PLD1: variants seen among roughly 807,000 people sequenced by gnomAD.
PLD1 encodes the protein choline phosphatase 1.
PLD1 carries 112 observed loss-of-function variants against 137.1 expected under a neutral mutation model. That is an observed-to-expected ratio of 0.82 (90% CI 0.70 to 0.96). The LOEUF is 0.96. Among genes scored for constraint, PLD1 ranks in the 40% least tolerant of loss-of-function variants. The pLI, the probability that PLD1 is intolerant of heterozygous loss-of-function variation, is 0.00. For synonymous variants in PLD1, 431 were observed against 454.7 expected (o/e 0.95, Z 0.66); for missense variants, 1,321 against 1,342.0 (o/e 0.98, Z 0.24).
chr3:171,710,072 C>T (rs545331084), intron 9 of PLD1, among the ~76,000 whole-genome samples: 13 of 151,642 alleles, frequency 8.6e-5, no homozygotes, highest in African/African-American at 3.1e-4. Context: ...TTTCTTTTTT[C>T]TTTTTTTTGA....
At chr3:171,735,265 C>A (rs755323489) in intron 4 of PLD1, among the ~76,000 whole-genome samples, 1 of 152,126 alleles carries the variant, frequency 6.6e-6, no homozygotes, top group African/African-American at 2.4e-5. Flanking sequence ...GTAGGTAGAA[C>A]TACTAACTAT....
chr3:171,781,508 A>G (rs1224077292), intron 1 of PLD1, among the ~76,000 whole-genome samples: 1 of 152,236 alleles, frequency 6.6e-6, no homozygotes, highest in Non-Finnish European at 1.5e-5. Context: ...TGCAAATCAT[A>G]TATCTGACAA....
At chr3:171,710,522 T>C (rs7631869) in intron 9 of PLD1, among the ~76,000 whole-genome samples, 54,609 of 151,982 alleles carry the variant, frequency 0.36, 10,961 homozygotes, top group African/African-American at 0.52. Context: ...GGTTCGAGCT[T>C]CTGTGAGAAT....
intron 1 of PLD1, chr3:171,788,677 C>T (rs932707753): frequency 3.9e-5 from 6 of 152,280 alleles, no homozygotes; most frequent in Non-Finnish European, 5.9e-5. Flanking sequence ...AAGATGATGA[C>T]GAAACTCAGT....
At chr3:171,684,695 CA>C (rs1455348500) in intron 16 of PLD1, among the ~76,000 whole-genome samples, 1 of 152,146 alleles carries the variant, frequency 6.6e-6, no homozygotes. Flanking sequence ...TTCCAGGCTC[CA>C]GCAATTCTCC....
intron 5 of PLD1, 134 bp from the exon 6 acceptor site, chr3:171,733,643 C>G (rs1337973183): frequency 5.5e-6 from 3 of 548,744 alleles, no homozygotes; most frequent in African/African-American, 1.9e-5. Flanking sequence ...TTAATATAAT[C>G]ATGGAGCAAG....
Position 171,687,603 on chromosome 3 carries a change from T to TA in PLD1, c.1540-20dup, listed in dbSNP as rs756166040. ...CGGCAGGCTGAGAAAAATTTTTTTT[T>TA]AAAAAAAGACACTGCATAAGACATG... On this transcript the variant is annotated intron_variant, in intron 14 of 26. Coordinates refer to ENST00000351298, the MANE Select transcript of PLD1 (RefSeq NM_002662.5). The TA allele has an allele frequency of 5.9e-5, 91 of 1,536,494 alleles. No individual in the cohort carries two copies. In the African/African-American group the frequency reaches 7.1e-4, roughly 12 times the overall value.
intron 11 of PLD1, among the ~76,000 whole-genome samples, chr3:171,706,015 AG>A (rs1371035028): frequency 1.3e-5 from 2 of 152,190 alleles, no homozygotes; most frequent in African/African-American, 4.8e-5. Context: ...TTAAAGAAAA[AG>A]GTTACTAACC....
rs961885724 is a variant in PLD1, at chr3:171,772,603, C to T, written c.-31-34521G>A. On this transcript the variant is annotated intron_variant, in intron 1 of 26. Transcript: ENST00000351298. ...CTCAGGGAAAAAAGAAAACGAGCCT[C>T]AAGACCTGTGGCTGATGACTTTAAA... Among the ~76,000 whole-genome samples the T allele has an allele frequency of 2.0e-5, 3 of 152,160 alleles. 1 individual carries two copies. Among genetic ancestry groups the T allele is most frequent in the African/African-American group, 7.2e-5 (3 of 41,422 alleles).
chr3:171,697,236 CCTTT>C (rs1290853694), intron 12 of PLD1, among the ~76,000 whole-genome samples: 2 of 117,698 alleles, frequency 1.7e-5, no homozygotes, highest in Admixed American at 1.7e-4. Flanking sequence ...CTTCCGGACA[CCTTT>C]TTTTTTTTTT....
chr3:171,746,211 C>G (rs1720163138), intron 1 of PLD1, among the ~76,000 whole-genome samples: 2 of 152,232 alleles, frequency 1.3e-5, no homozygotes, highest in Non-Finnish European at 2.9e-5. Flanking sequence ...GGCACCACCC[C>G]CTGCTCCACA....
intron 3 of PLD1, among the ~76,000 whole-genome samples, chr3:171,736,526 T>A (rs1235674052): frequency 6.6e-6 from 1 of 152,124 alleles, no homozygotes; most frequent in Non-Finnish European, 1.5e-5. Flanking sequence ...CAGGGAGACA[T>A]GGACCCGAGT....
intron 1 of PLD1, chr3:171,792,893 C>T (rs1578477728): frequency 1.5e-5 from 5 of 331,138 alleles, no homozygotes; most frequent in Admixed American, 1.3e-4. Context: ...CTTTGGCCCA[C>T]GGTCATCAAC....
chr3:171,792,224 A>G (rs778487076), intron 1 of PLD1: 5 of 226,748 alleles, frequency 2.2e-5, no homozygotes, highest in Non-Finnish European at 3.5e-5. Context: ...CAAACTGAAC[A>G]TAGTCATGCT....
In PLD1 at chr3:171,687,458, T is replaced by G; in HGVS notation, c.1666A>C (p.Lys556Gln). 6.2e-7 allele frequency: 1 copy of G among 1,614,136 alleles called. No individual in the cohort carries two copies. ...TTGTAGAGACTAAATTTGGAGAACT[T>G]TCTTGGCTTTCCTATTCCTTTCAGT... The part of the protein sequence containing the change: ...SKLKGIGKPR[K>Q]FSKFSLYKQL... The change falls in exon 15 of 27, where the codon AAG (lysine) becomes CAG (glutamine). Residue 556 changes from lysine (K) to glutamine (Q), a missense_variant. By Grantham distance (53) the Lys-to-Gln change is moderately conservative. Transcript: ENST00000351298.
chr3:171,745,974 GC>G (rs1720131153), intron 1 of PLD1, among the ~76,000 whole-genome samples: 1 of 152,150 alleles, frequency 6.6e-6, no homozygotes, highest in Non-Finnish European at 1.5e-5. Context: ...GGCAAGTCCC[GC>G]ACTCAGAGCG....
intron 1 of PLD1, among the ~76,000 whole-genome samples, chr3:171,775,482 T>A (rs1464154146): frequency 2.0e-5 from 3 of 152,204 alleles, no homozygotes; most frequent in African/African-American, 7.2e-5. Flanking sequence ...GTAGAGTGGT[T>A]CATTAGCTTA....
chr3:171,763,457 GAGGGGA>G (rs1337557941), intron 1 of PLD1, among the ~76,000 whole-genome samples: 28 of 30,826 alleles, frequency 9.1e-4, no homozygotes, highest in African/African-American at 3.9e-3. Context: ...AAGAGGAGGG[GAGGGGA>G]GGGGAGGGGA....
At chr3:171,687,290 T>C in intron 15 of PLD1, 81 bp downstream of exon 15, 2 of 1,164,644 alleles carry the variant, frequency 1.7e-6, no homozygotes, top group African/African-American at 1.5e-5. Context: ...GAAAGACAGA[T>C]TTTAAAAACA....
Sources: gnomAD v4.1 joint callset for allele counts (sites outside exome capture counted in the v4.1 genomes callset) on GRCh38, gnomAD v4.1.1 for gene constraint, MANE v1.5 for transcripts, NCBI Gene and HGNC (gene_info 2026-07-23, HGNC 2026-07-21) for gene names.